Variants in SNRPN observed in about 807,000 individuals in gnomAD.
SNRPN encodes small nuclear ribonucleoprotein-associated protein N.
SNRPN carries 7 observed loss-of-function variants against 25.2 expected under a neutral mutation model. That is an observed-to-expected ratio of 0.28 (90% CI 0.16 to 0.52). The LOEUF (loss-of-function observed/expected upper bound fraction) is 0.52. Ranked by LOEUF, SNRPN falls within the 20% of genes least tolerant of loss-of-function variation. SNRPN has a pLI of 0.96. For synonymous variants in SNRPN, 124 were observed against 110.6 expected (o/e 1.12, Z -0.76); for missense variants, 196 against 322.5 (o/e 0.61, Z 3.00).
chr15:24,839,454 T>C (rs2051491223), intron 2 of SNRPN, among the ~76,000 whole-genome samples: 1 of 152,074 alleles, frequency 6.6e-6, no homozygotes, highest in Non-Finnish European at 1.5e-5. Context: ...GCAAGCTGTT[T>C]TGATAGTCTT....
chr15:24,977,951 T>G (rs1483149055), intron 8 of SNRPN, 35 bp downstream of exon 8: 1 of 1,520,804 alleles, frequency 6.6e-7, no homozygotes, highest in Non-Finnish European at 8.8e-7. Context: ...CGAACTTGAA[T>G]CTCTGATGAG....
intron 3 of SNRPN, among the ~76,000 whole-genome samples, chr15:24,923,265 A>G (rs1566916444): frequency 6.6e-6 from 1 of 152,088 alleles, no homozygotes; most frequent in Non-Finnish European, 1.5e-5. Flanking sequence ...GTTATCACCA[A>G]CACTGCAATC....
intron 1 of SNRPN, among the ~76,000 whole-genome samples, chr15:24,881,302 C>T (rs2056565914): frequency 6.6e-6 from 1 of 151,522 alleles, no homozygotes; most frequent in Non-Finnish European, 1.5e-5. Context: ...GCAGGTGGAT[C>T]ACCTGAGGTC....
intron 2 of SNRPN, among the ~76,000 whole-genome samples, chr15:24,843,983 A>C (rs1198257132): frequency 6.6e-6 from 1 of 151,986 alleles, no homozygotes; most frequent in Non-Finnish European, 1.5e-5. Flanking sequence ...AAAAAAAAAA[A>C]AAACGTATGA....
At chr15:24,910,560 C>T (rs2059147663) in intron 2 of SNRPN, among the ~76,000 whole-genome samples, 2 of 152,040 alleles carry the variant, frequency 1.3e-5, no homozygotes, top group African/African-American at 2.4e-5. Flanking sequence ...GGTGCGATCT[C>T]GGCTCACTGC....
intron 1 of SNRPN, among the ~76,000 whole-genome samples, chr15:24,880,989 C>T (rs2056526212): frequency 6.6e-6 from 1 of 151,820 alleles, no homozygotes; most frequent in Non-Finnish European, 1.5e-5. Context: ...CTACAAAAAA[C>T]AAAATTATAT....
intron 1 of SNRPN, among the ~76,000 whole-genome samples, chr15:24,878,605 C>A (rs1273051705): frequency 6.6e-6 from 1 of 152,186 alleles, no homozygotes; most frequent in Non-Finnish European, 1.5e-5. Context: ...TCTGGTCTTG[C>A]ACTTTATGTG....
intron 1 of SNRPN, among the ~76,000 whole-genome samples, chr15:24,960,635 A>G (rs1000460176): frequency 3.3e-5 from 5 of 152,118 alleles, no homozygotes; most frequent in Non-Finnish European, 7.4e-5. Flanking sequence ...TTTAGTGACT[A>G]ATGTTCAGCA....
chr15:24,878,484 G>T (rs914496765), intron 1 of SNRPN, among the ~76,000 whole-genome samples: 53 of 152,216 alleles, frequency 3.5e-4, no homozygotes, highest in African/African-American at 1.2e-3. Flanking sequence ...GTTTCCGTGC[G>T]CCCCGAGGGT....
intron 3 of SNRPN, among the ~76,000 whole-genome samples, chr15:24,931,609 G>T (rs1285000501): frequency 1.3e-5 from 2 of 151,818 alleles, no homozygotes; most frequent in Non-Finnish European, 2.9e-5. Context: ...GGAGGGGCGG[G>T]GGGTGAATGG....
At chr15:24,843,469 G>A (rs1368897216) in intron 2 of SNRPN, among the ~76,000 whole-genome samples, 1 of 152,046 alleles carries the variant, frequency 6.6e-6, no homozygotes, top group Non-Finnish European at 1.5e-5. Context: ...CCAACATAGT[G>A]AAACCCCATC....
intron 2 of SNRPN, among the ~76,000 whole-genome samples, chr15:24,888,547 C>T: frequency 6.6e-6 from 1 of 152,080 alleles, no homozygotes; most frequent in Non-Finnish European, 1.5e-5. Flanking sequence ...TGTAAGAATG[C>T]AAAAGTAATT....
intron 2 of SNRPN, among the ~76,000 whole-genome samples, chr15:24,840,858 T>G (rs1226713300): frequency 4.6e-5 from 7 of 152,162 alleles, no homozygotes; most frequent in Non-Finnish European, 7.4e-5. Context: ...ACTTTTTTCT[T>G]TTTTTCGAGA....
chr15:24,859,458 T>C (rs1424866249), intron 1 of SNRPN, among the ~76,000 whole-genome samples: 2 of 152,152 alleles, frequency 1.3e-5, no homozygotes, highest in Non-Finnish European at 2.9e-5. Context: ...GCAAATTTCA[T>C]ACAAGTAATG....
chr15:24,901,620 G>T (rs1264963505), intron 2 of SNRPN, among the ~76,000 whole-genome samples: 1 of 152,084 alleles, frequency 6.6e-6, no homozygotes, highest in African/African-American at 2.4e-5. Flanking sequence ...CAAAAGTACC[G>T]CAGGTATTGA....
chr15:24,953,425 G>A (rs1424132566), upstream of SNRPN, among the ~76,000 whole-genome samples: 1 of 152,178 alleles, frequency 6.6e-6, no homozygotes, highest in Non-Finnish European at 1.5e-5. Flanking sequence ...CCACGTTCAA[G>A]CAATTCTCCT....
At chr15:24,883,124 C>G (rs1394546824) in intron 1 of SNRPN, among the ~76,000 whole-genome samples, 1 of 152,204 alleles carries the variant, frequency 6.6e-6, no homozygotes, top group Non-Finnish European at 1.5e-5. Context: ...GTAAGTTGAA[C>G]CATCTTAAGT....
rs1555388423 is a variant in SNRPN at position 24,882,833 on chromosome 15, A to AAT, written c.-578-3669_-578-3668dup. Among the ~76,000 whole-genome samples the AAT allele has an allele frequency of 4.8e-4, 57 of 119,354 alleles. 2 individuals are homozygous for AAT. Among genetic ancestry groups the AAT allele is most frequent in the Non-Finnish European group, 4.6e-4 (26 of 56,360 alleles). 78.3% of individuals were successfully genotyped at this position (119,354 alleles called of 152,430 possible). On this transcript the variant is annotated intron_variant, in intron 1 of 11. Coordinates refer to the SNRPN transcript ENST00000400097. ...AGCGAGACTCCATCTCAAAAAAAAAAATATATATATATATAGTGAGTTGAA... is the reference window on the plus strand; with the variant it reads ...AGCGAGACTCCATCTCAAAAAAAAAAATATATATATATATATAGTGAGTTGAA...
At chr15:24,909,406 T>G in intron 2 of SNRPN, 2 of 1,597,530 alleles carry the variant, frequency 1.3e-6, no homozygotes, top group South Asian at 2.2e-5. Context: ...TAAAGGCACT[T>G]GGCTGACCAT....
Sources: allele counts gnomAD v4.1 joint callset (sites outside exome capture counted in the v4.1 genomes callset), GRCh38; gene constraint gnomAD v4.1.1; transcripts MANE v1.5; gene names NCBI Gene and HGNC (gene_info 2026-07-23, HGNC 2026-07-21).